The following AKAP6 variants were observed in gnomAD, a reference collection of about 807,000 sequenced individuals.
AKAP6 encodes A-kinase anchoring protein 6.
Under a neutral mutation model 188.5 loss-of-function variants are expected in AKAP6, and 58 were observed. The ratio of observed to expected loss-of-function variants is 0.31; its 90% CI spans 0.25 to 0.38. The LOEUF is 0.38. AKAP6 is among the 10% of genes least tolerant of loss of function. AKAP6 has a pLI of 1.00. For synonymous variants in AKAP6, 989 were observed against 998.6 expected, an observed-to-expected ratio of 0.99 and a Z score of 0.18; for missense variants, 2,710 against 2,740.0, an observed-to-expected ratio of 0.99 and a Z score of 0.24.
chr14:32,541,544 T>C (rs1056957453), intron 3 of AKAP6, among the ~76,000 whole-genome samples: 8 of 152,264 alleles, frequency 5.3e-5, no homozygotes, highest in African/African-American at 1.9e-4. Context: ...CTCTCAAATT[T>C]CTTTTTTTTA....
intron 7 of AKAP6, among the ~76,000 whole-genome samples, chr14:32,669,903 C>G (rs567782131): frequency 1.3e-5 from 2 of 152,132 alleles, no homozygotes; most frequent in Admixed American, 6.5e-5. Context: ...TTGAGACCAG[C>G]CTGGCCAACA....
chr14:32,538,878 A>G (rs1030573298), intron 3 of AKAP6, among the ~76,000 whole-genome samples: 1 of 152,200 alleles, frequency 6.6e-6, no homozygotes, highest in Non-Finnish European at 1.5e-5. Context: ...ATTTTAAAAA[A>G]GAAGAATTTA....
At chr14:32,381,692 GCTTTTTTGGCCATTCCTTTAGTTA>G (rs1433380524) in intron 1 of AKAP6, among the ~76,000 whole-genome samples, 1 of 152,120 alleles carries the variant, frequency 6.6e-6, no homozygotes, top group East Asian at 1.9e-4. Flanking sequence ...AACATCTTCT[GCTTTTTTGGCCATTCCTTTAGTTA>G]CCCCTATTCC....
intron 8 of AKAP6, among the ~76,000 whole-genome samples, chr14:32,690,052 G>C (rs939758099): frequency 2.6e-4 from 37 of 141,930 alleles, no homozygotes; most frequent in African/African-American, 8.2e-4. Context: ...GCATACAAAA[G>C]ATGTATTCTT....
chr14:32,468,316 CT>C (rs1566521655), intron 2 of AKAP6, among the ~76,000 whole-genome samples: 1 of 152,148 alleles, frequency 6.6e-6, no homozygotes, highest in East Asian at 1.9e-4. Flanking sequence ...TACTCTGTGC[CT>C]TTTGAGTTGT....
chr14:32,692,765 T>G (rs1156428800), intron 8 of AKAP6, among the ~76,000 whole-genome samples: 1 of 152,172 alleles, frequency 6.6e-6, no homozygotes, highest in African/African-American at 2.4e-5. Context: ...GCCCTTGAAT[T>G]TCTTAGTCAT....
At chr14:32,526,599 C>G (rs2139082050) in intron 2 of AKAP6, among the ~76,000 whole-genome samples, 1 of 151,918 alleles carries the variant, frequency 6.6e-6, no homozygotes, top group African/African-American at 2.4e-5. Flanking sequence ...AGGGTGGTCT[C>G]AAACTCCTGG....
intron 1 of AKAP6, among the ~76,000 whole-genome samples, chr14:32,343,231 A>ATTACCTTCCTTGTCAAGGAAGTAT (rs1555318978): frequency 6.2e-4 from 94 of 151,086 alleles, no homozygotes; most frequent in Non-Finnish European, 1.1e-3. Context: ...CTTGTCAAGT[A>ATTACCTTCCTTGTCAAGGAAGTAT]TACCTTCCTT....
At chr14:32,462,922 A>AAAG (rs1566517633) in intron 2 of AKAP6, among the ~76,000 whole-genome samples, 71 of 148,234 alleles carry the variant, frequency 4.8e-4, no homozygotes, top group African/African-American at 1.7e-3. Context: ...AAAAAAAAAA[A>AAAG]AAAACCCGGG....
intron 2 of AKAP6, among the ~76,000 whole-genome samples, chr14:32,516,768 T>C (rs1487400717): frequency 6.6e-6 from 1 of 152,194 alleles, no homozygotes; most frequent in South Asian, 2.1e-4. Context: ...TATTTTTCAA[T>C]ACATGTTTTT....
rs1298403358 is a variant in AKAP6 at position 32,460,150 on chromosome 14, GA to G, written c.324+26335del. The stretch of plus-strand genomic sequence containing the variant: ...ATTGGACAGAGAGAGAGGGGAATGT[GA>G]ATTAGTGAATTAGATAAATAATATC... On this transcript the variant is annotated intron_variant, in intron 2 of 13. Coordinates refer to ENST00000280979, the MANE Select transcript of AKAP6 (RefSeq NM_004274.5). 2.0e-5 allele frequency among the ~76,000 whole-genome samples: 3 copies of G among 152,140 alleles called. No individual in the cohort carries two copies. In the East Asian group the frequency reaches 5.8e-4, roughly 29 times the overall value.
At chr14:32,366,234 C>T (rs1887830313) in intron 1 of AKAP6, among the ~76,000 whole-genome samples, 3 of 152,218 alleles carry the variant, frequency 2.0e-5, no homozygotes, top group African/African-American at 7.2e-5. Context: ...TCGCTGCCCA[C>T]TTGCAGTGAC....
At chr14:32,595,170 C>T (rs1885642292) in intron 5 of AKAP6, among the ~76,000 whole-genome samples, 1 of 152,118 alleles carries the variant, frequency 6.6e-6, no homozygotes, top group South Asian at 2.1e-4. Flanking sequence ...TAAAAATCAA[C>T]ACTATATGCA....
intron 12 of AKAP6, among the ~76,000 whole-genome samples, chr14:32,777,643 G>C (rs1245335087): frequency 6.6e-6 from 1 of 152,018 alleles, no homozygotes; most frequent in Admixed American, 6.6e-5. Flanking sequence ...AAATGAAGCA[G>C]AAAGAAAAAA....
intron 1 of AKAP6, among the ~76,000 whole-genome samples, chr14:32,335,508 C>G (rs1886662109): frequency 6.6e-6 from 1 of 152,090 alleles, no homozygotes; most frequent in African/African-American, 2.4e-5. Flanking sequence ...CAAAACAACC[C>G]AGAGCAAGGC....
rs763049016 is a variant in AKAP6, at chr14:32,730,085, A to G, written c.3001-2369A>G. Among the ~76,000 whole-genome samples the G allele has an allele frequency of 3.9e-5, 6 of 152,184 alleles. No individual in the cohort carries two copies. The East Asian group carries it at 9.6e-4, about 24-fold the overall frequency. On this transcript the variant is annotated intron_variant, in intron 9 of 13. Transcript: ENST00000280979. ...ATCAACAAAAATATAAGCTCCTGAC[A>G]TTATTACACATACAGCTTGAGCCCC...
intron 2 of AKAP6, chr14:32,495,358 C>G (rs558507609): frequency 6.6e-6 from 1 of 152,306 alleles, no homozygotes; most frequent in South Asian, 2.1e-4. Context: ...TGACAGCAGC[C>G]TGTTTAGGAC....
chr14:32,797,897 C>A (rs2033819903), intron 12 of AKAP6, among the ~76,000 whole-genome samples: 1 of 144,716 alleles, frequency 6.9e-6, no homozygotes, highest in Admixed American at 6.9e-5. Context: ...ACCAATGGAA[C>A]CTAATTAAAT....
intron 1 of AKAP6, among the ~76,000 whole-genome samples, chr14:32,420,334 C>A (rs927977740): frequency 5.9e-5 from 9 of 152,154 alleles, no homozygotes; most frequent in African/African-American, 2.2e-4. Flanking sequence ...ATTCCCCTAC[C>A]CTGTCTCTCT....
Sources: gnomAD v4.1 joint callset for allele counts (sites outside exome capture counted in the v4.1 genomes callset) on GRCh38, gnomAD v4.1.1 for gene constraint, MANE v1.5 for transcripts, NCBI Gene and HGNC (gene_info 2026-07-23, HGNC 2026-07-21) for gene names.